PPP4R3B: variants seen among roughly 807,000 people sequenced by gnomAD.
PPP4R3B encodes protein phosphatase 4 regulatory subunit 3B, also known as serine/threonine-protein phosphatase 4 regulatory subunit 3B.
In PPP4R3B, 52 loss-of-function variants were observed where a neutral mutation model predicts 95.4. That is an observed-to-expected ratio of 0.54 (90% CI 0.44 to 0.69). The LOEUF (loss-of-function observed/expected upper bound fraction) is 0.69. Ranked by LOEUF, PPP4R3B falls within the 30% of genes least tolerant of loss-of-function variation. PPP4R3B has a pLI of 0.00. For missense variants in PPP4R3B, 1,003 were observed against 1,005.9 expected, an observed-to-expected ratio of 1.00 and a Z score of 0.04; for synonymous variants, 407 against 343.9, an observed-to-expected ratio of 1.18 and a Z score of -2.03.
At chr2:55,561,393 A>C (rs1175083870) in intron 15 of PPP4R3B, among the ~76,000 whole-genome samples, 1 of 152,220 alleles carries the variant, frequency 6.6e-6, no homozygotes, top group African/African-American at 2.4e-5. Flanking sequence ...GTGAGGTTGG[A>C]GCCCCCACAT....
intron 2 of PPP4R3B, 145 bp downstream of exon 2, chr2:55,615,306 C>G (rs902709332): frequency 1.5e-6 from 1 of 675,088 alleles, no homozygotes; most frequent in African/African-American, 1.9e-5. Flanking sequence ...CAGTCTGAAA[C>G]TTTTAACCTG....
rs1453483373 is a variant in PPP4R3B, at chr2:55,549,169, T to A, written c.*742A>T. 6.6e-6 allele frequency: 1 copy of A among 152,280 alleles called. No homozygotes were observed. Among genetic ancestry groups the A allele is most frequent in the Non-Finnish European group, 1.5e-5 (1 of 68,042 alleles). 9.4% of individuals were successfully genotyped at this position (152,280 alleles called of 1,614,324 possible). On this transcript the variant is annotated 3_prime_UTR_variant, in exon 17 of 17. Coordinates refer to ENST00000616407, the MANE Select transcript of PPP4R3B (RefSeq NM_001122964.3). Reference sequence around the variant, plus strand: ...ATTCTGTTCGATCTACTTTCAAATTTCTAGAGAAAATCATTTTGGAATACT... The same window carrying A: ...ATTCTGTTCGATCTACTTTCAAATTACTAGAGAAAATCATTTTGGAATACT...
chr2:55,549,772 C>A lies in PPP4R3B; in HGVS notation c.*139G>T. 1.5e-6 allele frequency: 1 copy of A among 680,622 alleles called. No homozygotes were observed. The highest frequency in any genetic ancestry group is 2.5e-6 in the Non-Finnish European group (1 of 394,652). 42.2% of individuals were successfully genotyped at this position (680,622 alleles called of 1,614,324 possible). On this transcript the variant is annotated 3_prime_UTR_variant, in exon 17 of 17. Transcript: ENST00000616407. ...CTGATTTTTATTAGAACTAAACTCTCTTAGCTGATATACTGTCTTTTGCTA... is the reference window on the plus strand; with the variant it reads ...CTGATTTTTATTAGAACTAAACTCTATTAGCTGATATACTGTCTTTTGCTA...
In PPP4R3B at chr2:55,575,358, T is replaced by A. The variant is rs778850357; in HGVS notation, c.1607-1581A>T. On this transcript the variant is annotated intron_variant, in intron 11 of 16. Coordinates refer to ENST00000616407, the MANE Select transcript of PPP4R3B (RefSeq NM_001122964.3). ...ATACATTCATGAAATGATTTTGAAC[T>A]GCATCCTGAACATCAAATTTTAATT... Among the ~76,000 whole-genome samples, 9 of 152,240 alleles carry A rather than the reference T, an allele frequency of 5.9e-5. No homozygotes were observed. In the East Asian group the frequency reaches 1.7e-3, roughly 29 times the overall value.
Position 55,549,837 on chromosome 2 carries a change from T to C in PPP4R3B, c.*74A>G. 1 of 1,120,000 alleles carries C rather than the reference T, an allele frequency of 8.9e-7. No homozygotes were observed. Among genetic ancestry groups the C allele is most frequent in the Non-Finnish European group, 1.4e-6 (1 of 733,802 alleles). 69.4% of individuals were successfully genotyped at this position (1,120,000 alleles called of 1,614,324 possible). On this transcript the variant is annotated 3_prime_UTR_variant, in exon 17 of 17. Transcript: ENST00000616407. ...TATAAGTTCAATTGAGAAAGCTTTC[T>C]GATTCAGATTTTCAGCTCACTGAAC...
intron 15 of PPP4R3B, among the ~76,000 whole-genome samples, chr2:55,562,019 T>A (rs903722539): frequency 3.9e-5 from 6 of 152,178 alleles, no homozygotes; most frequent in Non-Finnish European, 8.8e-5. Flanking sequence ...AATCTCATTG[T>A]GAATTGTAAT....
At chr2:55,554,309 C>G (rs1214876681) in intron 16 of PPP4R3B, among the ~76,000 whole-genome samples, 2 of 152,330 alleles carry the variant, frequency 1.3e-5, no homozygotes, top group South Asian at 2.1e-4. Context: ...CTGCCTCGGC[C>G]TCCCAAAATG....
At chr2:55,574,782 G>A (rs1175715120) in intron 11 of PPP4R3B, among the ~76,000 whole-genome samples, 1 of 151,466 alleles carries the variant, frequency 6.6e-6, no homozygotes, top group Non-Finnish European at 1.5e-5. Flanking sequence ...TTTTAGTAGA[G>A]ATGAGGTTTC....
At chr2:55,581,108 C>G (rs936970536) in intron 8 of PPP4R3B, among the ~76,000 whole-genome samples, 1 of 152,022 alleles carries the variant, frequency 6.6e-6, no homozygotes, top group Non-Finnish European at 1.5e-5. Context: ...CAAAAATTAG[C>G]CAGGTGTGGT....
chr2:55,571,051 C>T (rs1039983082), intron 12 of PPP4R3B, among the ~76,000 whole-genome samples: 3 of 152,122 alleles, frequency 2.0e-5, no homozygotes, highest in African/African-American at 7.2e-5. Context: ...CGGTTCACAC[C>T]TGTAATCTCA....
At chr2:55,579,913 G>A (rs1689216240) in intron 8 of PPP4R3B, 132 bp from the exon 9 acceptor site, 1 of 438,330 alleles carries the variant, frequency 2.3e-6, no homozygotes, top group Admixed American at 4.3e-5. Context: ...TATATAAGCA[G>A]ATACTTTAAA....
At chr2:55,574,054 A>G (rs948840338) in intron 11 of PPP4R3B, among the ~76,000 whole-genome samples, 6 of 148,294 alleles carry the variant, frequency 4.0e-5, no homozygotes, top group African/African-American at 1.5e-4. Context: ...ATGCTAGCTA[A>G]TTTTTTTTTT....
intron 9 of PPP4R3B, among the ~76,000 whole-genome samples, chr2:55,579,253 T>C (rs967491707): frequency 6.6e-6 from 1 of 152,146 alleles, no homozygotes; most frequent in Admixed American, 6.5e-5. Context: ...TAGCACATAT[T>C]GGCATATGAA....
At chr2:55,560,574 G>A (rs939575998) in intron 15 of PPP4R3B, among the ~76,000 whole-genome samples, 2 of 151,992 alleles carry the variant, frequency 1.3e-5, no homozygotes, top group African/African-American at 4.8e-5. Flanking sequence ...GTCAGGAGTT[G>A]GAGACCAGCC....
At chr2:55,556,533 C>T (rs541544624) in intron 16 of PPP4R3B, among the ~76,000 whole-genome samples, 21 of 151,004 alleles carry the variant, frequency 1.4e-4, no homozygotes, top group Admixed American at 1.1e-3. Context: ...TCAAAGGTAT[C>T]TTTGTGGAGG....
intron 11 of PPP4R3B, among the ~76,000 whole-genome samples, chr2:55,574,141 C>T (rs1246661704): frequency 6.6e-6 from 1 of 151,710 alleles, no homozygotes. Flanking sequence ...GATGCTCTCA[C>T]CTGAGCCTCC....
At chr2:55,591,993 A>AT (rs1691096134) in intron 4 of PPP4R3B, among the ~76,000 whole-genome samples, 1 of 152,188 alleles carries the variant, frequency 6.6e-6, no homozygotes, top group Non-Finnish European at 1.5e-5. Flanking sequence ...AAACCTATAT[A>AT]TTTAAGTCAA....
intron 15 of PPP4R3B, among the ~76,000 whole-genome samples, chr2:55,561,750 G>A (rs1334186429): frequency 6.6e-6 from 1 of 152,214 alleles, no homozygotes; most frequent in Non-Finnish European, 1.5e-5. Flanking sequence ...TCTTCCATTT[G>A]GAATGGGAGC....
Position 55,617,208 on chromosome 2 carries a change from G to T in PPP4R3B, c.78C>A (p.His26Gln), listed in dbSNP as rs757498742. The T allele has an allele frequency of 6.2e-7, 1 of 1,614,026 alleles. No individual in the cohort carries two copies. Among genetic ancestry groups the T allele is most frequent in the South Asian group, 1.1e-5 (1 of 91,068 alleles). Reference protein sequence around the residue: ...DRQWDDRGTGHVSSTYVEELK... With the variant: ...DRQWDDRGTGQVSSTYVEELK... ...GCTCCTCCACGTAAGTGGAGGAGACGTGCCCGGTGCCTCGGTCGTCCCATT... is the reference window on the plus strand; with the variant it reads ...GCTCCTCCACGTAAGTGGAGGAGACTTGCCCGGTGCCTCGGTCGTCCCATT... The change falls in exon 1 of 17, where the codon CAC (histidine) becomes CAA (glutamine). Residue 26 changes from histidine to glutamine, a missense_variant. Physicochemically the swap from His to Gln is conservative, Grantham distance 24. This residue lies in a region of PPP4R3B where 695 missense variants were observed against 686.2 expected (regional missense o/e 1.01). Transcript: ENST00000616407.
Sources: allele counts gnomAD v4.1 joint callset (sites outside exome capture counted in the v4.1 genomes callset), GRCh38; gene constraint gnomAD v4.1.1; regional missense constraint gnomAD v4.1.1; transcripts MANE v1.5; gene names NCBI Gene and HGNC (gene_info 2026-07-23, HGNC 2026-07-21).